Variants in CERT1 observed in about 807,000 individuals in gnomAD.
CERT1 encodes the protein ceramide transfer protein.
In CERT1, 31 loss-of-function variants were observed where a neutral mutation model predicts 87.9. The ratio of observed to expected loss-of-function variants is 0.35; its 90% CI spans 0.27 to 0.48. CERT1 has a LOEUF of 0.48. Ranked by LOEUF, CERT1 falls within the 20% of genes least tolerant of loss-of-function variation. The pLI is 0.99. For synonymous variants in CERT1, 289 were observed against 250.9 expected, an observed-to-expected ratio of 1.15 and a Z score of -1.44; for missense variants, 487 against 758.0, an observed-to-expected ratio of 0.64 and a Z score of 4.20.
chr5:75,443,779 T>G (rs981136095), intron 3 of CERT1, among the ~76,000 whole-genome samples: 1 of 152,220 alleles, frequency 6.6e-6, no homozygotes, highest in African/African-American at 2.4e-5. Context: ...GAACTGTCTA[T>G]TTCTCCTTTC....
chr5:75,409,651 C>T (rs532659670), intron 8 of CERT1, among the ~76,000 whole-genome samples: 15 of 151,922 alleles, frequency 9.9e-5, no homozygotes, highest in Admixed American at 2.6e-4. Flanking sequence ...CTCAGCCTCC[C>T]GAGTAGCTGG....
chr5:75,425,892 G>A (rs907470040), intron 4 of CERT1, among the ~76,000 whole-genome samples: 2 of 152,188 alleles, frequency 1.3e-5, no homozygotes, highest in Non-Finnish European at 2.9e-5. Context: ...CAAAGTAATG[G>A]TGAGCTGTCA....
At chr5:75,375,619 AAATAAATAAATAAAAT>A (rs1289110369), downstream of CERT1, 1 of 139,512 alleles carries the variant, frequency 7.2e-6, no homozygotes, top group African/African-American at 2.6e-5. Flanking sequence ...ATAAATAAAT[AAATAAATAAATAAAAT>A]AAATAAAAAT....
At chr5:75,497,691 C>T in intron 2 of CERT1, among the ~76,000 whole-genome samples, 1 of 152,062 alleles carries the variant, frequency 6.6e-6, no homozygotes, top group East Asian at 1.9e-4. Context: ...TTTCCTGAAC[C>T]TCCCCAGCCA....
At chr5:75,371,019 A>G (rs1761065813) in intron 17 of CERT1, 1 of 152,026 alleles carries the variant, frequency 6.6e-6, no homozygotes, top group Non-Finnish European at 1.5e-5. Flanking sequence ...TAACTGGGTT[A>G]CGGGAAGAAC....
At chr5:75,413,991 C>A (rs989870883) in intron 7 of CERT1, among the ~76,000 whole-genome samples, 3 of 151,802 alleles carry the variant, frequency 2.0e-5, no homozygotes, top group African/African-American at 7.3e-5. Flanking sequence ...TAAATGTCCA[C>A]CAACAGGAAA....
chr5:75,427,749 T>C (rs938692765), intron 3 of CERT1, among the ~76,000 whole-genome samples: 1 of 152,232 alleles, frequency 6.6e-6, no homozygotes, highest in Non-Finnish European at 1.5e-5. Flanking sequence ...AGTATTTATA[T>C]TGAACAGCTT....
At chr5:75,473,205 T>A (rs534405474) in intron 2 of CERT1, among the ~76,000 whole-genome samples, 1 of 152,200 alleles carries the variant, frequency 6.6e-6, no homozygotes, top group East Asian at 1.9e-4. Flanking sequence ...CCCACCCTCC[T>A]CAGTAGCTAG....
At chr5:75,417,252 C>G (rs1008209499) in intron 6 of CERT1, among the ~76,000 whole-genome samples, 3 of 152,058 alleles carry the variant, frequency 2.0e-5, no homozygotes, top group Non-Finnish European at 2.9e-5. Flanking sequence ...TTTCTAGATT[C>G]TGTTTCCTGA....
intron 2 of CERT1, among the ~76,000 whole-genome samples, chr5:75,495,943 AT>A (rs1170871453): frequency 2.0e-5 from 3 of 152,020 alleles, no homozygotes; most frequent in African/African-American, 7.2e-5. Flanking sequence ...TGAAAAAAAA[AT>A]AAATAAATAA....
chr5:75,388,738 C>A (rs1281346789), intron 12 of CERT1, among the ~76,000 whole-genome samples: 1 of 150,462 alleles, frequency 6.6e-6, no homozygotes, highest in East Asian at 2.0e-4. Flanking sequence ...GAATCTTTTG[C>A]CTCAGCCTCC....
chr5:75,481,606 T>TA (rs967133131), intron 2 of CERT1, among the ~76,000 whole-genome samples: 1 of 152,334 alleles, frequency 6.6e-6, no homozygotes, highest in Admixed American at 6.5e-5. Flanking sequence ...TAAAATATCT[T>TA]AAACAATTTG....
chr5:75,437,776 A>G (rs1764157063), intron 3 of CERT1, among the ~76,000 whole-genome samples: 1 of 149,538 alleles, frequency 6.7e-6, no homozygotes, highest in African/African-American at 2.4e-5. Context: ...ATTAAAAAAA[A>G]AAAAAAAAAA....
chr5:75,384,002 C>T (rs1023296259), intron 14 of CERT1, among the ~76,000 whole-genome samples: 3 of 152,098 alleles, frequency 2.0e-5, no homozygotes, highest in African/African-American at 7.2e-5. Flanking sequence ...TATGACTAAC[C>T]TCTCAAGTCA....
intron 3 of CERT1, among the ~76,000 whole-genome samples, chr5:75,439,559 C>A (rs1198374268): frequency 1.3e-5 from 2 of 152,032 alleles, no homozygotes; most frequent in Non-Finnish European, 2.9e-5. Context: ...CATTGTCTCT[C>A]TCCATTTTAA....
At chr5:75,449,700 T>C (rs1466749908) in intron 3 of CERT1, among the ~76,000 whole-genome samples, 1 of 117,130 alleles carries the variant, frequency 8.5e-6, no homozygotes, top group African/African-American at 3.0e-5. Context: ...CAACACTTGG[T>C]GGTGGTGTTT....
At chr5:75,499,926 T>C (rs7712331) in intron 2 of CERT1, among the ~76,000 whole-genome samples, 1 of 152,234 alleles carries the variant, frequency 6.6e-6, no homozygotes, top group Admixed American at 6.5e-5. Flanking sequence ...CTCTGAATGT[T>C]ACCTTGTTTG....
rs1255748373 is a variant in CERT1 at position 75,426,362 on chromosome 5, A to T, written c.456+9T>A. ...GTTGTTTAACTTAAGGCATCCATTA[A>T]CTACACACCTTGAATGAAGAGGTGG... On this transcript the variant is annotated intron_variant, in intron 4 of 16. Transcript: ENST00000643780. 2 of 1,590,014 alleles carry T rather than the reference A, an allele frequency of 1.3e-6. No individual in the cohort carries two copies. The highest frequency in any genetic ancestry group is 1.1e-5 in the South Asian group (1 of 90,432).
At chr5:75,498,595 C>T (rs193134933) in intron 2 of CERT1, among the ~76,000 whole-genome samples, 5 of 152,230 alleles carry the variant, frequency 3.3e-5, no homozygotes, top group East Asian at 1.9e-4. Context: ...GGCTTTCCCA[C>T]GGTGTTGGGC....
Sources: gnomAD v4.1 joint callset for allele counts (sites outside exome capture counted in the v4.1 genomes callset) on GRCh38, gnomAD v4.1.1 for gene constraint, MANE v1.5 for transcripts, NCBI Gene and HGNC (gene_info 2026-07-23, HGNC 2026-07-21) for gene names.